KCTD8: variants seen among roughly 807,000 people sequenced by gnomAD.
KCTD8 encodes the protein BTB/POZ domain-containing protein KCTD8.
A neutral mutation model predicts 31.5 loss-of-function variants in KCTD8; 27 were observed. That is an observed-to-expected ratio of 0.86 (90% CI 0.63 to 1.18). KCTD8 has a LOEUF of 1.18. Ranked by LOEUF, KCTD8 falls within the 50% of genes most tolerant of loss-of-function variation. The pLI is 0.00. For missense variants in KCTD8, 658 were observed against 647.7 expected, an observed-to-expected ratio of 1.02 and a Z score of -0.17; for synonymous variants, 290 against 280.0, an observed-to-expected ratio of 1.04 and a Z score of -0.36.
intron 1 of KCTD8, among the ~76,000 whole-genome samples, chr4:44,409,698 A>AG (rs977503690): frequency 6.6e-6 from 1 of 151,734 alleles, no homozygotes; most frequent in African/African-American, 2.4e-5. Flanking sequence ...AAGAATCTGC[A>AG]GAAAAAAAAA....
chr4:44,250,852 C>A (rs1577575351), intron 1 of KCTD8, among the ~76,000 whole-genome samples: 3 of 151,792 alleles, frequency 2.0e-5, no homozygotes, highest in South Asian at 2.1e-4. Context: ...TCCTCCAATT[C>A]AAAACTTGGC....
chr4:44,222,491 A>G (rs1294853197), intron 1 of KCTD8, among the ~76,000 whole-genome samples: 1 of 152,088 alleles, frequency 6.6e-6, no homozygotes, highest in Non-Finnish European at 1.5e-5. Context: ...GATGAAGGAG[A>G]TCTGGCCAGA....
chr4:44,409,854 AAC>A (rs1238192257), intron 1 of KCTD8, among the ~76,000 whole-genome samples: 3 of 152,046 alleles, frequency 2.0e-5, no homozygotes, highest in Non-Finnish European at 2.9e-5. Context: ...GAAAAAAAAA[AAC>A]AAAAGTAGGC....
chr4:44,279,977 TA>T (rs1716859445), intron 1 of KCTD8, among the ~76,000 whole-genome samples: 2 of 152,102 alleles, frequency 1.3e-5, no homozygotes, highest in African/African-American at 4.8e-5. Flanking sequence ...ATTTTTCCTT[TA>T]TTTTTTTATG....
chr4:44,182,216 G>A (rs907936117), intron 1 of KCTD8, among the ~76,000 whole-genome samples: 3 of 147,482 alleles, frequency 2.0e-5, no homozygotes, highest in Admixed American at 6.7e-5. Context: ...GAGGTGGGGG[G>A]CACCTCTGCC....
At chr4:44,353,649 T>C (rs974385133) in intron 1 of KCTD8, among the ~76,000 whole-genome samples, 1 of 152,112 alleles carries the variant, frequency 6.6e-6, no homozygotes, top group Admixed American at 6.6e-5. Context: ...CTGGTCACCA[T>C]CATTCTACTG....
At chr4:44,406,082 T>C (rs1462729415) in intron 1 of KCTD8, among the ~76,000 whole-genome samples, 1 of 152,096 alleles carries the variant, frequency 6.6e-6, no homozygotes, top group African/African-American at 2.4e-5. Flanking sequence ...TTCTTTATAA[T>C]ATCCTGGACA....
At chr4:44,203,937 T>C (rs562187311) in intron 1 of KCTD8, among the ~76,000 whole-genome samples, 4 of 151,894 alleles carry the variant, frequency 2.6e-5, no homozygotes, top group South Asian at 2.1e-4. Flanking sequence ...TTTCAAGATT[T>C]AGTAATAAAA....
At chr4:44,384,288 T>A (rs1291488393) in intron 1 of KCTD8, among the ~76,000 whole-genome samples, 1 of 151,920 alleles carries the variant, frequency 6.6e-6, no homozygotes, top group Non-Finnish European at 1.5e-5. Context: ...ACAGCTACCA[T>A]ATGATCCAGC....
At chr4:44,238,333 C>T (rs527285094) in intron 1 of KCTD8, among the ~76,000 whole-genome samples, 2 of 152,082 alleles carry the variant, frequency 1.3e-5, no homozygotes, top group South Asian at 2.1e-4. Flanking sequence ...CTCTTTCTGT[C>T]TCTCTCTCTA....
At chr4:44,256,051 G>T (rs764145371) in intron 1 of KCTD8, among the ~76,000 whole-genome samples, 2 of 151,830 alleles carry the variant, frequency 1.3e-5, no homozygotes, top group African/African-American at 2.4e-5. Flanking sequence ...AAGCAAAGGC[G>T]CTTGTTACAT....
intron 1 of KCTD8, among the ~76,000 whole-genome samples, chr4:44,413,558 C>T (rs192134774): frequency 4.6e-5 from 7 of 152,222 alleles, no homozygotes; most frequent in Admixed American, 3.3e-4. Context: ...TAGAAACTTG[C>T]TCAAAGGACC....
chr4:44,256,273 T>C (rs1034826489), intron 1 of KCTD8, among the ~76,000 whole-genome samples: 5 of 151,832 alleles, frequency 3.3e-5, no homozygotes, highest in Non-Finnish European at 7.4e-5. Flanking sequence ...AAATAAGATA[T>C]TCTGTTCATC....
At chr4:44,362,506 G>T (rs1439612618) in intron 1 of KCTD8, among the ~76,000 whole-genome samples, 2 of 152,046 alleles carry the variant, frequency 1.3e-5, no homozygotes, top group African/African-American at 2.4e-5. Flanking sequence ...ATATGAGCAG[G>T]GTAGCATTTG....
At chr4:44,263,301 A>G (rs777679275) in intron 1 of KCTD8, among the ~76,000 whole-genome samples, 11 of 152,280 alleles carry the variant, frequency 7.2e-5, no homozygotes, top group Non-Finnish European at 1.6e-4. Flanking sequence ...AATACTGGTT[A>G]CACAAACCAT....
intron 1 of KCTD8, among the ~76,000 whole-genome samples, chr4:44,333,917 G>A (rs1476625183): frequency 6.6e-6 from 1 of 152,088 alleles, no homozygotes; most frequent in East Asian, 1.9e-4. Context: ...TAATATTCAT[G>A]TTCCTTCATA....
At chr4:44,444,933 A>G (rs1721904067) in intron 1 of KCTD8, among the ~76,000 whole-genome samples, 1 of 152,194 alleles carries the variant, frequency 6.6e-6, no homozygotes, top group South Asian at 2.1e-4. Flanking sequence ...GTCACACAAC[A>G]AATAAATATT....
chr4:44,196,459 T>C (rs1713944016), intron 1 of KCTD8, among the ~76,000 whole-genome samples: 1 of 152,234 alleles, frequency 6.6e-6, no homozygotes, highest in Non-Finnish European at 1.5e-5. Flanking sequence ...TTAAAACCTT[T>C]CTTGGAGAAG....
At chr4:44,419,554 A>T (rs150781975) in intron 1 of KCTD8, among the ~76,000 whole-genome samples, 2,005 of 152,258 alleles carry the variant, frequency 0.013, 31 homozygotes, top group Middle Eastern at 0.075. Flanking sequence ...CTTTGAAGGG[A>T]CATGGATGAA....
Sources: allele counts gnomAD v4.1 joint callset (sites outside exome capture counted in the v4.1 genomes callset), GRCh38; gene constraint gnomAD v4.1.1; transcripts MANE v1.5; gene names NCBI Gene and HGNC (gene_info 2026-07-23, HGNC 2026-07-21).